ACOXL: variants seen among roughly 807,000 people sequenced by gnomAD.
The protein encoded by ACOXL is acyl-CoA oxidase like.
Under a neutral mutation model 71.9 loss-of-function variants are expected in ACOXL, and 70 were observed. The ratio of observed to expected loss-of-function variants is 0.97; its 90% CI spans 0.80 to 1.19. ACOXL has a LOEUF of 1.19. ACOXL is among the 50% of genes most tolerant of loss of function. The pLI is 0.00. For synonymous variants in ACOXL, 253 were observed against 281.6 expected (o/e 0.90, Z 1.02); for missense variants, 703 against 736.3 (o/e 0.95, Z 0.52).
chr2:110,782,288 T>A (rs1683436649), intron 2 of ACOXL, among the ~76,000 whole-genome samples: 1 of 152,042 alleles, frequency 6.6e-6, no homozygotes, highest in Admixed American at 6.5e-5. Flanking sequence ...GCCATTTCAA[T>A]GAGAGGTGAA....
intron 1 of ACOXL, among the ~76,000 whole-genome samples, chr2:110,736,082 C>G (rs1019623994): frequency 1.3e-5 from 2 of 152,166 alleles, no homozygotes; most frequent in Admixed American, 1.3e-4. Flanking sequence ...GCACATTTCT[C>G]TTCCTAACCT....
intron 10 of ACOXL, among the ~76,000 whole-genome samples, chr2:110,863,740 A>G (rs960424284): frequency 1.3e-5 from 2 of 151,936 alleles, no homozygotes; most frequent in African/African-American, 4.8e-5. Context: ...TTCACAGCCC[A>G]TGTACTTTAT....
intron 16 of ACOXL, among the ~76,000 whole-genome samples, chr2:111,071,263 C>T (rs947359881): frequency 6.6e-6 from 1 of 152,148 alleles, no homozygotes; most frequent in Non-Finnish European, 1.5e-5. Flanking sequence ...AGATGAACAT[C>T]CCCCCTCTTG....
At chr2:110,950,091 TG>T (rs1041950758) in intron 12 of ACOXL, among the ~76,000 whole-genome samples, 23 of 152,198 alleles carry the variant, frequency 1.5e-4, no homozygotes, top group Non-Finnish European at 1.0e-4. Context: ...AGGGTACATG[TG>T]CACAATGTGC....
intron 1 of ACOXL, among the ~76,000 whole-genome samples, chr2:110,765,666 G>A (rs1680956633): frequency 6.6e-6 from 1 of 152,190 alleles, no homozygotes; most frequent in Non-Finnish European, 1.5e-5. Context: ...CTGGTTCATA[G>A]ATGGTGCCTT....
chr2:111,025,082 C>G (rs781542281), intron 14 of ACOXL, among the ~76,000 whole-genome samples: 5 of 152,134 alleles, frequency 3.3e-5, no homozygotes, highest in Non-Finnish European at 5.9e-5. Flanking sequence ...TTCCCCATCC[C>G]CAACTCCTGG....
chr2:110,990,562 C>T (rs548041220), intron 13 of ACOXL, among the ~76,000 whole-genome samples: 2 of 152,280 alleles, frequency 1.3e-5, no homozygotes, highest in African/African-American at 2.4e-5. Context: ...AGCCATCTTA[C>T]AAGGTGTTCT....
Position 110,799,023 on chromosome 2 carries a change from G to GT in ACOXL, c.473dup (p.Ile159HisfsTer7). The GT allele has an allele frequency of 6.2e-7, 1 of 1,613,928 alleles. No individual in the cohort carries two copies. The highest frequency in any genetic ancestry group is 2.2e-5 in the East Asian group (1 of 44,880). The stretch of plus-strand genomic sequence containing the variant: ...TCGATGCCTTCCTTAGGGCCCCACT[G>GT]TTTCATCGTTCCTGTCCGGGATGAA... On this transcript the variant is annotated frameshift_variant, in exon 7 of 18. Coordinates refer to ENST00000439055, the MANE Select transcript of ACOXL (RefSeq NM_001142807.4). LOFTEE classifies it high-confidence loss of function.
intron 10 of ACOXL, among the ~76,000 whole-genome samples, chr2:110,843,731 A>G (rs1691462581): frequency 6.6e-6 from 1 of 152,220 alleles, no homozygotes; most frequent in Non-Finnish European, 1.5e-5. Context: ...ATCCTAGCAC[A>G]TGTGGTTTCC....
chr2:110,963,341 T>C (rs977082856), intron 12 of ACOXL, among the ~76,000 whole-genome samples: 29 of 152,312 alleles, frequency 1.9e-4, no homozygotes, highest in African/African-American at 6.7e-4. Flanking sequence ...CAGTCCACTT[T>C]ATTGAAATCT....
At chr2:110,817,358 A>G (rs1276236841) in intron 9 of ACOXL, among the ~76,000 whole-genome samples, 1 of 152,204 alleles carries the variant, frequency 6.6e-6, no homozygotes, top group Non-Finnish European at 1.5e-5. Flanking sequence ...GGTTGTACAC[A>G]TCTGTGTCCC....
intron 14 of ACOXL, among the ~76,000 whole-genome samples, chr2:111,030,408 C>T (rs1429022131): frequency 6.6e-6 from 1 of 152,194 alleles, no homozygotes; most frequent in Admixed American, 6.5e-5. Context: ...TCCTTTCCCT[C>T]GATTGTCATG....
intron 2 of ACOXL, among the ~76,000 whole-genome samples, chr2:110,769,471 G>A (rs887576423): frequency 5.9e-5 from 9 of 151,746 alleles, no homozygotes; most frequent in African/African-American, 1.7e-4. Flanking sequence ...GCAACATGGT[G>A]AAACCCTGTC....
chr2:110,913,055 A>C (rs1042803325), intron 11 of ACOXL, among the ~76,000 whole-genome samples: 2 of 152,248 alleles, frequency 1.3e-5, no homozygotes, highest in African/African-American at 4.8e-5. Context: ...AACAGCAATC[A>C]GATAAAACTT....
chr2:110,788,487 G>A (rs1573518794), intron 3 of ACOXL, among the ~76,000 whole-genome samples: 1 of 152,178 alleles, frequency 6.6e-6, no homozygotes, highest in African/African-American at 2.4e-5. Flanking sequence ...GGAGGGAGGG[G>A]AGAATGGGAG....
intron 9 of ACOXL, among the ~76,000 whole-genome samples, chr2:110,806,070 T>G (rs1167415420): frequency 6.6e-6 from 1 of 152,242 alleles, no homozygotes; most frequent in Non-Finnish European, 1.5e-5. Flanking sequence ...AATATACATC[T>G]GGGGCTTGAG....
intron 5 of ACOXL, among the ~76,000 whole-genome samples, chr2:110,797,887 A>G (rs1304589220): frequency 6.6e-6 from 1 of 152,246 alleles, no homozygotes; most frequent in African/African-American, 2.4e-5. Context: ...AAACTTTGCT[A>G]TGAAGTAGTC....
rs530053081 is a variant in ACOXL at position 110,770,899 on chromosome 2, A to T, written c.75+2435A>T. ...AATGAGGCTTGCTAATTGCAGCCCG[A>T]CCCGCTGAGTCTGAAGGATTAGCCT... On this transcript the variant is annotated intron_variant, in intron 2 of 17. Transcript: ENST00000439055. 5.3e-5 allele frequency among the ~76,000 whole-genome samples: 8 copies of T among 152,256 alleles called. No individual in the cohort carries two copies. In the South Asian group the frequency reaches 1.7e-3, roughly 32 times the overall value.
At chr2:110,886,882 G>C (rs12615235) in intron 10 of ACOXL, 6 of 1,549,590 alleles carry the variant, frequency 3.9e-6, no homozygotes, top group Non-Finnish European at 5.2e-6. Flanking sequence ...TTTTGCTAAC[G>C]TTTCTTACGC....
Sources: gnomAD v4.1 joint callset for allele counts (sites outside exome capture counted in the v4.1 genomes callset) on GRCh38, gnomAD v4.1.1 for gene constraint, MANE v1.5 for transcripts, NCBI Gene and HGNC (gene_info 2026-07-23, HGNC 2026-07-21) for gene names.